CSMD1: variants seen among roughly 807,000 people sequenced by gnomAD.
CSMD1 encodes CUB and sushi domain-containing protein 1.
In CSMD1, 213 loss-of-function variants were observed where a neutral mutation model predicts 417.5. That is an observed-to-expected ratio of 0.51 (90% CI 0.46 to 0.57). The LOEUF is 0.57. Ranked by LOEUF, CSMD1 falls within the 20% of genes least tolerant of loss-of-function variation. The pLI, the probability that CSMD1 is intolerant of heterozygous loss-of-function variation, is 0.00. For synonymous variants in CSMD1, 2,862 were observed against 1,736.8 expected (o/e 1.65, Z -16.11); for missense variants, 6,923 against 4,529.7 (o/e 1.53, Z -15.17).
At chr8:4,993,072 GTCC>G (rs1271982940) in intron 1 of CSMD1, among the ~76,000 whole-genome samples, 5 of 152,210 alleles carry the variant, frequency 3.3e-5, no homozygotes, top group African/African-American at 9.6e-5. Flanking sequence ...ACCAGATACA[GTCC>G]TCCTTCGCCC....
intron 28 of CSMD1, among the ~76,000 whole-genome samples, chr8:3,222,644 G>GAGT (rs1416971392): frequency 6.6e-6 from 1 of 152,124 alleles, no homozygotes; most frequent in East Asian, 1.9e-4. Flanking sequence ...CTTGAAACCA[G>GAGT]AGGTGCCTCC....
rs79174950 is a variant in CSMD1 at position 4,304,371 on chromosome 8, G to A, written c.415+115582C>T. ...ATACATTCCATTTGATTATCAAAGT[G>A]AGCTCATGTTGTAAATAGAGAAATT... On this transcript the variant is annotated intron_variant, in intron 3 of 69. Transcript: ENST00000635120. 4.8e-4 allele frequency among the ~76,000 whole-genome samples: 73 copies of A among 152,174 alleles called. No homozygotes were observed. In the East Asian group the frequency reaches 0.012, roughly 25 times the overall value.
At chr8:4,010,701 T>C (rs1383911550) in intron 4 of CSMD1, among the ~76,000 whole-genome samples, 3 of 152,130 alleles carry the variant, frequency 2.0e-5, no homozygotes, top group Admixed American at 2.0e-4. Flanking sequence ...CTTCACTTTC[T>C]TTTCCTTGTC....
chr8:4,199,789 G>A (rs918939406), intron 3 of CSMD1, among the ~76,000 whole-genome samples: 13 of 152,100 alleles, frequency 8.5e-5, no homozygotes, highest in Non-Finnish European at 1.5e-4. Context: ...ATGCTGTTTA[G>A]ATAGAAAATC....
intron 3 of CSMD1, among the ~76,000 whole-genome samples, chr8:4,236,368 C>A (rs540078659): frequency 6.6e-6 from 1 of 152,146 alleles, no homozygotes; most frequent in Middle Eastern, 3.4e-3. Flanking sequence ...CATCCCCACT[C>A]GGAGAAAGGG....
intron 23 of CSMD1, among the ~76,000 whole-genome samples, chr8:3,317,881 G>T (rs1395305129): frequency 6.6e-6 from 1 of 152,144 alleles, no homozygotes; most frequent in East Asian, 1.9e-4. Flanking sequence ...CGCCATCTTG[G>T]CTCACTACAG....
chr8:3,323,149 T>G (rs1317464796), intron 23 of CSMD1, among the ~76,000 whole-genome samples: 1 of 152,196 alleles, frequency 6.6e-6, no homozygotes, highest in African/African-American at 2.4e-5. Context: ...TATTAGTAGG[T>G]TGTATGATGT....
At chr8:4,215,715 T>G (rs983301142) in intron 3 of CSMD1, among the ~76,000 whole-genome samples, 1 of 152,206 alleles carries the variant, frequency 6.6e-6, no homozygotes, top group East Asian at 1.9e-4. Flanking sequence ...AAAACTCAAA[T>G]GTACATGTGA....
At chr8:4,440,742 T>A (rs1472210398) in intron 2 of CSMD1, among the ~76,000 whole-genome samples, 1 of 152,138 alleles carries the variant, frequency 6.6e-6, no homozygotes, top group Non-Finnish European at 1.5e-5. Context: ...ATGCCTATAA[T>A]CCCAGCATTT....
intron 2 of CSMD1, among the ~76,000 whole-genome samples, chr8:4,574,465 C>G (rs1385128554): frequency 6.6e-6 from 1 of 152,166 alleles, no homozygotes; most frequent in East Asian, 1.9e-4. Flanking sequence ...TACTTTCTAA[C>G]CAGTCCCAGT....
At chr8:4,608,291 C>A (rs772557632) in intron 2 of CSMD1, among the ~76,000 whole-genome samples, 2 of 152,134 alleles carry the variant, frequency 1.3e-5, no homozygotes, top group East Asian at 3.9e-4. Context: ...GCTAAGGAGG[C>A]CCAAGGGCAA....
chr8:4,651,995 T>C (rs1250160009), intron 1 of CSMD1, among the ~76,000 whole-genome samples: 1 of 152,196 alleles, frequency 6.6e-6, no homozygotes, highest in Non-Finnish European at 1.5e-5. Context: ...GAAAGGAGAC[T>C]CAATTAGAAA....
chr8:3,936,543 A>T (rs538476984), intron 5 of CSMD1, among the ~76,000 whole-genome samples: 1 of 152,292 alleles, frequency 6.6e-6, no homozygotes, highest in South Asian at 2.1e-4. Flanking sequence ...ATGCTCCATC[A>T]ATGGAACAAC....
chr8:4,739,239 A>C (rs1174855805), intron 1 of CSMD1, among the ~76,000 whole-genome samples: 1 of 152,230 alleles, frequency 6.6e-6, no homozygotes, highest in African/African-American at 2.4e-5. Context: ...GAGCCTGCCA[A>C]GTTCAGCTCT....
intron 3 of CSMD1, among the ~76,000 whole-genome samples, chr8:4,389,870 G>T (rs191194057): frequency 6.6e-6 from 1 of 151,898 alleles, no homozygotes; most frequent in Admixed American, 6.6e-5. Context: ...TATATCTCCC[G>T]CCCTACTAAC....
chr8:4,616,116 C>T (rs1489182354), intron 2 of CSMD1, among the ~76,000 whole-genome samples: 1 of 152,156 alleles, frequency 6.6e-6, no homozygotes, highest in Non-Finnish European at 1.5e-5. Flanking sequence ...TAGACATCTT[C>T]CTATAACATA....
intron 18 of CSMD1, among the ~76,000 whole-genome samples, chr8:3,379,787 T>C (rs1810521076): frequency 6.6e-6 from 1 of 152,084 alleles, no homozygotes; most frequent in Non-Finnish European, 1.5e-5. Context: ...CCTAAAACCA[T>C]AAAAACCCTA....
chr8:4,021,169 G>C (rs137940614), intron 4 of CSMD1, among the ~76,000 whole-genome samples: 1 of 152,178 alleles, frequency 6.6e-6, no homozygotes, highest in African/African-American at 2.4e-5. Context: ...GTGAAATGTG[G>C]CTAGTCAGCA....
intron 7 of CSMD1, among the ~76,000 whole-genome samples, chr8:3,617,875 T>C (rs895516074): frequency 1.3e-5 from 2 of 152,238 alleles, no homozygotes; most frequent in African/African-American, 4.8e-5. Flanking sequence ...TACATATAAA[T>C]ATACATTTTC....
Sources: gnomAD v4.1 joint callset for allele counts (sites outside exome capture counted in the v4.1 genomes callset) on GRCh38, gnomAD v4.1.1 for gene constraint, MANE v1.5 for transcripts, NCBI Gene and HGNC (gene_info 2026-07-23, HGNC 2026-07-21) for gene names.